CFAP20DC: variants seen among roughly 807,000 people sequenced by gnomAD.
CFAP20DC encodes protein CFAP20DC.
A neutral mutation model predicts 101.7 loss-of-function variants in CFAP20DC; 84 were observed. The observed-to-expected ratio is 0.83, with a 90% CI of 0.69 to 0.99. The LOEUF is 0.99. Ranked by LOEUF, CFAP20DC falls within the 50% of genes least tolerant of loss-of-function variation. The probability of loss-of-function intolerance (pLI) is 0.00; values close to 1 mark genes in which losing one functional copy is unlikely to be tolerated. For synonymous variants in CFAP20DC, 359 were observed against 351.2 expected (o/e 1.02, Z -0.25); for missense variants, 1,007 against 970.3 (o/e 1.04, Z -0.50).
At chr3:58,781,188 C>T (rs1431589114) in intron 15 of CFAP20DC, among the ~76,000 whole-genome samples, 1 of 151,154 alleles carries the variant, frequency 6.6e-6, no homozygotes, top group Non-Finnish European at 1.5e-5. Context: ...TTTGAATGAC[C>T]ACTGGATCAA....
chr3:59,029,652 T>A (rs979875450), intron 4 of CFAP20DC, among the ~76,000 whole-genome samples: 1 of 151,788 alleles, frequency 6.6e-6, no homozygotes, highest in Non-Finnish European at 1.5e-5. Flanking sequence ...GAATTGGGAG[T>A]TTATCCTCAG....
chr3:59,036,201 G>T (rs1490685639), intron 4 of CFAP20DC, among the ~76,000 whole-genome samples: 1 of 152,126 alleles, frequency 6.6e-6, no homozygotes, highest in Non-Finnish European at 1.5e-5. Flanking sequence ...CATACTGAAT[G>T]GTCAAAAGCT....
chr3:58,947,190 C>T (rs1011431433), intron 4 of CFAP20DC, among the ~76,000 whole-genome samples: 4 of 152,140 alleles, frequency 2.6e-5, no homozygotes, highest in Non-Finnish European at 5.9e-5. Context: ...AGCAGCAGGC[C>T]TGCAACCATT....
chr3:58,979,352 T>C (rs28579143), intron 4 of CFAP20DC, among the ~76,000 whole-genome samples: 2 of 152,198 alleles, frequency 1.3e-5, no homozygotes, highest in Non-Finnish European at 2.9e-5. Context: ...CTATAAGGAT[T>C]GAATGCAATA....
chr3:58,827,178 G>A (rs2076095721), intron 14 of CFAP20DC, among the ~76,000 whole-genome samples: 1 of 152,062 alleles, frequency 6.6e-6, no homozygotes, highest in South Asian at 2.1e-4. Context: ...ACTGATAATA[G>A]GGTTCGTCTC....
downstream of CFAP20DC, among the ~76,000 whole-genome samples, chr3:58,740,239 T>A (rs1318928171): frequency 6.6e-6 from 1 of 152,170 alleles, no homozygotes; most frequent in Non-Finnish European, 1.5e-5. The surrounding 1 kb of genome is among the most constrained non-coding windows in gnomAD (Gnocchi z 4.6). Flanking sequence ...GCTTCTAGAC[T>A]GCCAGGATAG....
chr3:58,944,577 T>C (rs1559872385), intron 4 of CFAP20DC, among the ~76,000 whole-genome samples: 3 of 152,190 alleles, frequency 2.0e-5, no homozygotes. Flanking sequence ...ATAGACATCG[T>C]GCTAAGTGCT....
At chr3:58,830,823 G>A (rs1032154531) in intron 14 of CFAP20DC, among the ~76,000 whole-genome samples, 1 of 152,078 alleles carries the variant, frequency 6.6e-6, no homozygotes, top group African/African-American at 2.4e-5. Flanking sequence ...AATGGCTCTA[G>A]GTACTTAAAG....
At chr3:58,758,864 A>G (rs1227809579) in intron 15 of CFAP20DC, among the ~76,000 whole-genome samples, 1 of 152,130 alleles carries the variant, frequency 6.6e-6, no homozygotes, top group Non-Finnish European at 1.5e-5. Context: ...AAAGGACAAG[A>G]ACTCATCCTT....
intron 6 of CFAP20DC, among the ~76,000 whole-genome samples, chr3:58,901,575 C>T (rs535656576): frequency 2.0e-5 from 3 of 152,194 alleles, no homozygotes; most frequent in South Asian, 2.1e-4. Flanking sequence ...GCAAGTGCTA[C>T]GTAAGTGTTT....
At chr3:59,020,545 G>A (rs1576743356) in intron 4 of CFAP20DC, among the ~76,000 whole-genome samples, 1 of 93,590 alleles carries the variant, frequency 1.1e-5, no homozygotes, top group African/African-American at 5.0e-5. Context: ...ATGAAATAAT[G>A]TGTGTGTGTG....
intron 4 of CFAP20DC, among the ~76,000 whole-genome samples, chr3:58,953,264 T>C (rs2090319084): frequency 6.6e-6 from 1 of 152,182 alleles, no homozygotes; most frequent in African/African-American, 2.4e-5. Flanking sequence ...TCTTTCAACG[T>C]AATCCAACAC....
intron 4 of CFAP20DC, among the ~76,000 whole-genome samples, chr3:58,944,309 T>G (rs1314996955): frequency 6.6e-6 from 1 of 152,202 alleles, no homozygotes; most frequent in Non-Finnish European, 1.5e-5. Flanking sequence ...GAAAAAATGT[T>G]AAGGGCAGCC....
At chr3:58,816,251 A>G (rs1241807782) in intron 14 of CFAP20DC, among the ~76,000 whole-genome samples, 1 of 152,190 alleles carries the variant, frequency 6.6e-6, no homozygotes, top group Non-Finnish European at 1.5e-5. Context: ...TCAGTAAACT[A>G]TCGCAAGAAC....
intron 12 of CFAP20DC, among the ~76,000 whole-genome samples, chr3:58,860,542 C>A (rs538985823): frequency 2.0e-4 from 30 of 152,112 alleles, no homozygotes; most frequent in Non-Finnish European, 2.6e-4. Context: ...TGGACTGTTA[C>A]ACAAGACAAA....
At chr3:58,854,626 AC>A (rs1160398460) in intron 12 of CFAP20DC, among the ~76,000 whole-genome samples, 3 of 152,164 alleles carry the variant, frequency 2.0e-5, no homozygotes, top group Non-Finnish European at 2.9e-5. Flanking sequence ...TGGTACTGGT[AC>A]CAAAACAGAG....
intron 15 of CFAP20DC, among the ~76,000 whole-genome samples, chr3:58,780,618 G>A (rs1249203005): frequency 6.6e-6 from 1 of 151,896 alleles, no homozygotes; most frequent in African/African-American, 2.4e-5. Flanking sequence ...ACAAATGGAA[G>A]CCAAAAGTAA....
At chr3:58,798,124 T>C (rs2073394465) in intron 15 of CFAP20DC, among the ~76,000 whole-genome samples, 1 of 146,148 alleles carries the variant, frequency 6.8e-6, no homozygotes, top group South Asian at 2.1e-4. Context: ...TAATTTAAGC[T>C]TTCAAGTCTT....
chr3:58,753,643 T>C (rs951713201), intron 16 of CFAP20DC, 126 bp downstream of exon 16: 51 of 698,370 alleles, frequency 7.3e-5, no homozygotes, highest in Admixed American at 1.6e-4. Context: ...GGTTACCTCA[T>C]TTAGGGTGTG....
Sources: allele counts gnomAD v4.1 joint callset (sites outside exome capture counted in the v4.1 genomes callset), GRCh38; gene constraint gnomAD v4.1.1; non-coding constraint Gnocchi (gnomAD v3.1); transcripts MANE v1.5; gene names NCBI Gene and HGNC (gene_info 2026-07-23, HGNC 2026-07-21).